The following ZNF536 variants were observed in gnomAD, a reference collection of about 807,000 sequenced individuals.
The protein encoded by ZNF536 is zinc finger protein 536.
Under a neutral mutation model 84.5 loss-of-function variants are expected in ZNF536, and 13 were observed. The observed-to-expected ratio is 0.15, with a 90% CI of 0.10 to 0.24. ZNF536 has a LOEUF of 0.24. Ranked by LOEUF, ZNF536 falls within the 10% of genes least tolerant of loss-of-function variation. The pLI is 1.00. For synonymous variants in ZNF536, 811 were observed against 742.5 expected (o/e 1.09, Z -1.50); for missense variants, 1,536 against 1,747.5 (o/e 0.88, Z 2.16).
rs373280834 is a variant in ZNF536, at chr19:30,549,022, C to G, written c.3403C>G (p.Pro1135Ala). The G allele has an allele frequency of 1.2e-6, 2 of 1,614,058 alleles. No homozygotes were observed. Among genetic ancestry groups the G allele is most frequent in the African/African-American group, 2.7e-5 (2 of 74,914 alleles). Reference sequence around the variant, plus strand: ...CTCCAGTTCCTGCCCCAACAAGGAGCCTGATGGAAAGGCCCACTCTGAAGA... The same window carrying G: ...CTCCAGTTCCTGCCCCAACAAGGAGGCTGATGGAAAGGCCCACTCTGAAGA... ...GASSSCPNKE[P>A]DGKAHSEEDV... Residue 1135 changes from proline to alanine, a missense_variant, in exon 4 of 5, where the codon CCT becomes GCT. Pro to Ala is a conservative substitution (Grantham distance 27). Transcript: ENST00000355537.
At chr19:30,630,117 A>T (rs1031116272) in intron 1 of ZNF536, among the ~76,000 whole-genome samples, 1 of 152,202 alleles carries the variant, frequency 6.6e-6, no homozygotes, top group African/African-American at 2.4e-5. Flanking sequence ...TAAGTGACAG[A>T]GTGGGCCGGA....
chr19:30,688,987 C>A (rs2051304664), intron 1 of ZNF536, among the ~76,000 whole-genome samples: 1 of 152,220 alleles, frequency 6.6e-6, no homozygotes, highest in Non-Finnish European at 1.5e-5. Flanking sequence ...ATGGCCATAG[C>A]CTTTGACAAT....
chr19:30,513,181 T>C (rs960536814), intron 2 of ZNF536, among the ~76,000 whole-genome samples: 6 of 152,200 alleles, frequency 3.9e-5, no homozygotes, highest in African/African-American at 1.2e-4. Flanking sequence ...AAAGTATTAT[T>C]GAAAGGGCGC....
chr19:30,269,958 T>G (rs2025735034), intron 1 of ZNF536, among the ~76,000 whole-genome samples: 1 of 152,360 alleles, frequency 6.6e-6, no homozygotes, highest in East Asian at 1.9e-4. Flanking sequence ...GTTTTGGTTG[T>G]GATCACCTTT....
chr19:30,537,265 A>G (rs1211470810), intron 3 of ZNF536, among the ~76,000 whole-genome samples: 3 of 152,140 alleles, frequency 2.0e-5, no homozygotes, highest in African/African-American at 7.2e-5. Flanking sequence ...GATGATGCCA[A>G]TGTCCATTTT....
At chr19:30,634,697 G>A (rs761128384) in intron 1 of ZNF536, among the ~76,000 whole-genome samples, 20 of 152,134 alleles carry the variant, frequency 1.3e-4, no homozygotes, top group Non-Finnish European at 2.8e-4. Context: ...CCACGCGTGT[G>A]AATGAGGCCA....
chr19:30,557,339 T>A lies in ZNF536; in HGVS notation c.*175T>A. On this transcript the variant is annotated 3_prime_UTR_variant, in exon 5 of 5. Transcript: ENST00000355537. Reference sequence around the variant, plus strand: ...ATACACACGGTGCACCAATCTACAGTATATATAGCAGAGAATCAGAGGCTA... The same window carrying A: ...ATACACACGGTGCACCAATCTACAGAATATATAGCAGAGAATCAGAGGCTA... 1.6e-6 allele frequency: 1 copy of A among 633,298 alleles called. No individual in the cohort carries two copies. The highest frequency in any genetic ancestry group is 2.7e-6 in the Non-Finnish European group (1 of 363,668). The allele number at this position is 633,298 out of a possible 1,614,324, so 39.2% of individuals were successfully genotyped here. A position where few individuals can be genotyped will look rare whatever the true frequency, so the allele number is the denominator to read the frequency against.
chr19:30,581,841 G>C (rs896039718), intron 1 of ZNF536, among the ~76,000 whole-genome samples: 5 of 151,992 alleles, frequency 3.3e-5, no homozygotes, highest in Non-Finnish European at 7.4e-5. Flanking sequence ...AGCTGAGGCA[G>C]GAGAATTGCT....
Position 30,700,962 on chromosome 19 carries a change from C to T in ZNF536, c.170-9795C>T, listed in dbSNP as rs567500236. Among the ~76,000 whole-genome samples the T allele has an allele frequency of 3.3e-5, 5 of 152,304 alleles. No homozygotes were observed. The East Asian group carries it at 7.7e-4, about 24-fold the overall frequency. ...GGGCAGTGGCTGTTCTCAAGCCTTA[C>T]AGCCCTGTGTGTGGGAACTGATGCG... is the stretch of plus-strand genomic sequence containing the variant. On this transcript the variant is annotated intron_variant, in intron 1 of 1. Coordinates refer to the ZNF536 transcript ENST00000592773.
chr19:30,366,377 T>TATCTATCTATC (rs2048431175), intron 3 of ZNF536, among the ~76,000 whole-genome samples: 1 of 151,862 alleles, frequency 6.6e-6, no homozygotes, highest in African/African-American at 2.4e-5. Flanking sequence ...TCTATCTATC[T>TATCTATCTATC]ATCTATCTAT....
intron 2 of ZNF536, among the ~76,000 whole-genome samples, chr19:30,465,467 A>T (rs1249768324): frequency 6.6e-6 from 1 of 152,062 alleles, no homozygotes; most frequent in Non-Finnish European, 1.5e-5. Context: ...TTTCTTGTGT[A>T]TTTGTTGACT....
chr19:30,488,360 G>A (rs575901046), intron 2 of ZNF536, among the ~76,000 whole-genome samples: 2 of 151,918 alleles, frequency 1.3e-5, no homozygotes, highest in Non-Finnish European at 2.9e-5. Context: ...GCCTGGCTTC[G>A]GGAAGTGCCC....
intron 1 of ZNF536, among the ~76,000 whole-genome samples, chr19:30,265,886 T>C (rs1369897362): frequency 2.0e-5 from 3 of 152,050 alleles, no homozygotes; most frequent in African/African-American, 7.2e-5. Context: ...TGTTTCTCTT[T>C]TCTTTTTTTT....
intron 1 of ZNF536, among the ~76,000 whole-genome samples, chr19:30,402,822 T>TATAA (rs1331644147): frequency 7.0e-6 from 1 of 142,558 alleles, no homozygotes; most frequent in Admixed American, 7.0e-5. Flanking sequence ...TATATATATA[T>TATAA]AATTTTCAAA....
At chr19:30,692,927 G>A (rs1443510569) in intron 1 of ZNF536, among the ~76,000 whole-genome samples, 1 of 152,072 alleles carries the variant, frequency 6.6e-6, no homozygotes, top group Non-Finnish European at 1.5e-5. Context: ...CACGGGCTCC[G>A]TTTATAATTC....
intron 1 of ZNF536, among the ~76,000 whole-genome samples, chr19:30,278,022 C>T (rs377343652): frequency 7.2e-5 from 11 of 152,124 alleles, no homozygotes; most frequent in South Asian, 4.1e-4. Context: ...ACGCGGGCTT[C>T]GTGCTGGTGA....
upstream of ZNF536, among the ~76,000 whole-genome samples, chr19:30,367,591 C>G (rs985478605): frequency 3.3e-5 from 5 of 152,178 alleles, no homozygotes; most frequent in Non-Finnish European, 7.3e-5. Flanking sequence ...GCTTTCTCTA[C>G]CAGCTGGATA....
intron 2 of ZNF536, among the ~76,000 whole-genome samples, chr19:30,475,087 G>T (rs1046914353): frequency 1.7e-4 from 26 of 151,978 alleles, no homozygotes; most frequent in African/African-American, 6.3e-4. Context: ...TTGTTGTTTG[G>T]TTTTTTATTT....
intron 1 of ZNF536, among the ~76,000 whole-genome samples, chr19:30,680,039 G>C (rs1193133822): frequency 6.6e-6 from 1 of 152,054 alleles, no homozygotes. Context: ...AAGGGACACT[G>C]GACAAGGTTG....
Sources: allele counts gnomAD v4.1 joint callset (sites outside exome capture counted in the v4.1 genomes callset), GRCh38; gene constraint gnomAD v4.1.1; transcripts MANE v1.5; gene names NCBI Gene and HGNC (gene_info 2026-07-23, HGNC 2026-07-21).